THSD7B: variants seen among roughly 807,000 people sequenced by gnomAD.
THSD7B encodes thrombospondin type 1 domain containing 7B.
THSD7B carries 138 observed loss-of-function variants against 213.6 expected under a neutral mutation model. That is an observed-to-expected ratio of 0.65 (90% CI 0.56 to 0.74). THSD7B has a LOEUF of 0.74. Among genes scored for constraint, THSD7B ranks in the 30% least tolerant of loss-of-function variants. The pLI is 0.00. For synonymous variants in THSD7B, 742 were observed against 687.0 expected, an observed-to-expected ratio of 1.08 and a Z score of -1.25; for missense variants, 1,931 against 1,991.5, an observed-to-expected ratio of 0.97 and a Z score of 0.58.
At chr2:136,879,733 A>G (rs1010320901) in intron 1 of THSD7B, among the ~76,000 whole-genome samples, 4 of 152,152 alleles carry the variant, frequency 2.6e-5, no homozygotes, top group African/African-American at 9.7e-5. Context: ...TTTCATGTGC[A>G]GAGACACACA....
In THSD7B at chr2:137,264,814, A is replaced by G. The variant is rs540708730; in HGVS notation, c.2267-7719A>G. Reference sequence around the variant, plus strand: ...AAAAGAGCCTTCTTTTTTTTTTTAAATTTTTTTTATTTTTTATTTATTATT... The same window carrying G: ...AAAAGAGCCTTCTTTTTTTTTTTAAGTTTTTTTTATTTTTTATTTATTATT... On this transcript the variant is annotated intron_variant, in intron 10 of 27. Coordinates refer to ENST00000409968, the MANE Select transcript of THSD7B (RefSeq NM_001316349.2). Among the ~76,000 whole-genome samples the G allele has an allele frequency of 2.0e-5, 3 of 149,838 alleles. No individual in the cohort carries two copies. In the East Asian group the frequency reaches 5.9e-4, roughly 29 times the overall value.
At chr2:136,912,882 A>C (rs545181943) in intron 2 of THSD7B, among the ~76,000 whole-genome samples, 1 of 152,298 alleles carries the variant, frequency 6.6e-6, no homozygotes, top group East Asian at 1.9e-4. Flanking sequence ...CAGCATGAAA[A>C]TGAACTAATA....
intron 2 of THSD7B, among the ~76,000 whole-genome samples, chr2:136,958,958 C>T (rs1287353088): frequency 6.6e-6 from 1 of 152,090 alleles, no homozygotes; most frequent in Non-Finnish European, 1.5e-5. Flanking sequence ...ACAGACGCAC[C>T]TCAGAGGGTG....
chr2:137,516,065 A>G (rs1680061843), intron 15 of THSD7B, among the ~76,000 whole-genome samples: 1 of 152,236 alleles, frequency 6.6e-6, no homozygotes, highest in South Asian at 2.1e-4. Flanking sequence ...CAAGTTGGCT[A>G]GGGCCAAGTG....
At chr2:137,331,666 T>C (rs2104894128) in intron 12 of THSD7B, among the ~76,000 whole-genome samples, 1 of 152,198 alleles carries the variant, frequency 6.6e-6, no homozygotes, top group Admixed American at 6.5e-5. Flanking sequence ...GGGGCGGTGC[T>C]CATCGGGGAG....
At chr2:137,366,828 A>C (rs1017470048) in intron 12 of THSD7B, among the ~76,000 whole-genome samples, 1 of 151,616 alleles carries the variant, frequency 6.6e-6, no homozygotes, top group African/African-American at 2.4e-5. Flanking sequence ...TAGCATTTCT[A>C]TAACTATGTT....
At chr2:137,414,287 T>A (rs905666419) in intron 14 of THSD7B, among the ~76,000 whole-genome samples, 8 of 151,940 alleles carry the variant, frequency 5.3e-5, no homozygotes, top group African/African-American at 1.7e-4. Context: ...AAAGGTTTTT[T>A]AAAAAAAATA....
intron 7 of THSD7B, among the ~76,000 whole-genome samples, chr2:137,200,288 T>C (rs1452386483): frequency 6.6e-6 from 1 of 152,144 alleles, no homozygotes; most frequent in Non-Finnish European, 1.5e-5. Flanking sequence ...CTTCTGGAAT[T>C]AATGAAAGAA....
At chr2:137,025,308 G>T (rs1036345348) in intron 2 of THSD7B, among the ~76,000 whole-genome samples, 2 of 152,022 alleles carry the variant, frequency 1.3e-5, no homozygotes, top group African/African-American at 4.8e-5. Flanking sequence ...CACAGATTTT[G>T]CCAGACGTTT....
At chr2:137,663,358 C>T in intron 25 of THSD7B, 25 bp from the exon 26 acceptor site, 5 of 1,499,832 alleles carry the variant, frequency 3.3e-6, no homozygotes, top group South Asian at 1.4e-5. Flanking sequence ...ACTGTGTAAC[C>T]ATAAAAATAT....
intron 12 of THSD7B, among the ~76,000 whole-genome samples, chr2:137,310,674 T>A (rs1683878150): frequency 6.6e-6 from 1 of 152,136 alleles, no homozygotes; most frequent in Non-Finnish European, 1.5e-5. Flanking sequence ...CTTGAATTGA[T>A]TTTTGTATAA....
At chr2:137,587,048 T>C (rs1039586154) in intron 17 of THSD7B, among the ~76,000 whole-genome samples, 4 of 152,228 alleles carry the variant, frequency 2.6e-5, no homozygotes, top group Admixed American at 1.3e-4. Context: ...TTTACTCTTC[T>C]TTCTCTAAAC....
chr2:137,227,499 C>T (rs1009008779), intron 7 of THSD7B, among the ~76,000 whole-genome samples: 1 of 152,260 alleles, frequency 6.6e-6, no homozygotes, highest in Admixed American at 6.5e-5. Flanking sequence ...CTATGTAGGG[C>T]TTTATTTTCC....
chr2:137,555,022 G>T (rs1329685042), intron 15 of THSD7B, among the ~76,000 whole-genome samples: 1 of 152,198 alleles, frequency 6.6e-6, no homozygotes, highest in African/African-American at 2.4e-5. Flanking sequence ...GTTGAGGCTT[G>T]AGTAGGTAAA....
intron 12 of THSD7B, among the ~76,000 whole-genome samples, chr2:137,314,439 G>C (rs1684025349): frequency 6.6e-6 from 1 of 152,052 alleles, no homozygotes; most frequent in Non-Finnish European, 1.5e-5. Context: ...CAACTTCTTT[G>C]CCTTTGGTTT....
chr2:137,595,597 CTTGGTATTGG>C (rs1681943411), intron 17 of THSD7B, among the ~76,000 whole-genome samples: 1 of 151,908 alleles, frequency 6.6e-6, no homozygotes, highest in South Asian at 2.1e-4. Context: ...ACTATGTTGG[CTTGGTATTGG>C]AAATACTAAA....
At chr2:137,412,522 G>A (rs985769968) in intron 14 of THSD7B, among the ~76,000 whole-genome samples, 1 of 31,178 alleles carries the variant, frequency 3.2e-5, no homozygotes, top group Admixed American at 5.3e-4. Context: ...GCTTGAACCC[G>A]GGGGGCAGAG....
Position 137,659,694 on chromosome 2 carries a change from C to G in THSD7B, c.4406C>G (p.Ala1469Gly). ...TGCTCCCCTCAGGCCCGTCCTGCTG[C>G]CATTCGGCAGTGCATTCCAGCCTGC... ...GGCSPQARPAAIRQCIPACRK... is the reference protein window; with the variant it reads ...GGCSPQARPAGIRQCIPACRK... The change falls in exon 25 of 28, where the codon GCC (alanine) becomes GGC (glycine). Residue 1469 changes from alanine (A) to glycine (G), a missense_variant. Ala to Gly is a moderately conservative substitution (Grantham distance 60). Transcript: ENST00000409968. 1 of 1,604,860 alleles carries G rather than the reference C, an allele frequency of 6.2e-7. No homozygotes were observed. The highest frequency in any genetic ancestry group is 8.5e-7 in the Non-Finnish European group (1 of 1,175,472).
intron 1 of THSD7B, among the ~76,000 whole-genome samples, chr2:136,779,959 A>G (rs140093310): frequency 0.01 from 1,590 of 152,238 alleles, 14 homozygotes; most frequent in South Asian, 0.027. Flanking sequence ...CCGAATCAGT[A>G]AAATTTAAAG....
Sources: gnomAD v4.1 joint callset for allele counts (sites outside exome capture counted in the v4.1 genomes callset) on GRCh38, gnomAD v4.1.1 for gene constraint, MANE v1.5 for transcripts, NCBI Gene and HGNC (gene_info 2026-07-23, HGNC 2026-07-21) for gene names.